Variants in BCL9 observed in about 807,000 individuals in gnomAD.
BCL9 encodes B-cell CLL/lymphoma 9 protein.
BCL9 carries 25 observed loss-of-function variants against 88.5 expected under a neutral mutation model. The ratio of observed to expected loss-of-function variants is 0.28; its 90% confidence interval spans 0.21 to 0.39. BCL9 has a LOEUF of 0.39. BCL9 is among the 10% of genes least tolerant of loss of function. The pLI is 1.00. For missense variants in BCL9, 1,817 were observed against 1,877.8 expected (o/e 0.97, Z 0.60); for synonymous variants, 711 against 673.3 (o/e 1.06, Z -0.87).
chr1:147,570,355 TGAG>T (rs1302594229), intron 1 of BCL9, among the ~76,000 whole-genome samples: 1 of 152,070 alleles, frequency 6.6e-6, no homozygotes, highest in East Asian at 1.9e-4. Context: ...CAGGAAGCAT[TGAG>T]GAGTCAATAG....
chr1:147,594,511 G>T (rs1375548908), intron 1 of BCL9, among the ~76,000 whole-genome samples: 1 of 152,178 alleles, frequency 6.6e-6, no homozygotes, highest in African/African-American at 2.4e-5. Flanking sequence ...TTCAAGAGAG[G>T]CCTGAGCTAG....
chr1:147,588,489 T>C (rs2101565771), intron 1 of BCL9, among the ~76,000 whole-genome samples: 1 of 152,196 alleles, frequency 6.6e-6, no homozygotes, highest in African/African-American at 2.4e-5. Flanking sequence ...ATTGTTTGGG[T>C]TCTCCCTCCA....
At position 147,615,810 on chromosome 1, in the gene BCL9, G is replaced by A. The variant is rs1311442395; in HGVS notation, c.568G>A (p.Glu190Lys). 1 of 1,613,806 alleles carries A rather than the reference G, an allele frequency of 6.2e-7. No individual in the cohort carries two copies. The highest frequency in any genetic ancestry group is 1.3e-5 in the African/African-American group (1 of 74,922). ...TCTCTTCCATCTTTGCAGAGCTGCA[G>A]AAGCTGTTTTGAAGGGCCAGGTTGA... Reference protein sequence around the residue: ...FSTEMANKAAEAVLKGQVETI... With the variant: ...FSTEMANKAAKAVLKGQVETI... The change falls in exon 7 of 10, where the codon GAA becomes AAA. Residue 190 changes from glutamate (E) to lysine (K), a missense_variant. Around this residue, in one of 2 missense-constraint regions of BCL9, gnomAD observed 1,228 missense variants for 1,191.6 expected, o/e 1.03. Coordinates refer to ENST00000234739, the MANE Select transcript of BCL9 (RefSeq NM_004326.4).
At chr1:147,591,234 AT>A (rs782023366) in intron 1 of BCL9, among the ~76,000 whole-genome samples, 1 of 152,232 alleles carries the variant, frequency 6.6e-6, no homozygotes, top group Non-Finnish European at 1.5e-5. Flanking sequence ...TTTAAAAAAA[AT>A]AACTCAGTGT....
At chr1:147,551,685 AT>A (rs1430417598) in intron 1 of BCL9, among the ~76,000 whole-genome samples, 1 of 152,014 alleles carries the variant, frequency 6.6e-6, no homozygotes, top group Non-Finnish European at 1.5e-5. Context: ...TTTGGCCCCC[AT>A]TTTCCCTCTG....
intron 1 of BCL9, among the ~76,000 whole-genome samples, chr1:147,598,987 C>T (rs1657182035): frequency 6.6e-6 from 1 of 152,198 alleles, no homozygotes; most frequent in South Asian, 2.1e-4. Flanking sequence ...AATGGGCTAC[C>T]CTCTCACAAC....
intron 1 of BCL9, among the ~76,000 whole-genome samples, chr1:147,560,121 G>C (rs1044446187): frequency 6.6e-6 from 1 of 152,180 alleles, no homozygotes; most frequent in Non-Finnish European, 1.5e-5. Flanking sequence ...GTGCTATTCA[G>C]ACCACAACTG....
chr1:147,563,489 G>A (rs782002544), intron 1 of BCL9, among the ~76,000 whole-genome samples: 3 of 152,224 alleles, frequency 2.0e-5, no homozygotes, highest in Non-Finnish European at 4.4e-5. Context: ...TAGGACTCAA[G>A]AGAGGGCTAG....
intron 1 of BCL9, among the ~76,000 whole-genome samples, chr1:147,565,963 A>G (rs887956484): frequency 1.3e-5 from 2 of 152,124 alleles, no homozygotes; most frequent in African/African-American, 2.4e-5. Flanking sequence ...TGCAATTCCC[A>G]TCTTCTTGTT....
chr1:147,599,763 T>C (rs1193746521), intron 1 of BCL9, among the ~76,000 whole-genome samples: 3 of 146,042 alleles, frequency 2.1e-5, no homozygotes, highest in African/African-American at 5.2e-5. Flanking sequence ...GGCGGGCCCG[T>C]AGTAAAATAT....
chr1:147,590,993 T>C (rs1656821215), intron 1 of BCL9, among the ~76,000 whole-genome samples: 1 of 152,180 alleles, frequency 6.6e-6, no homozygotes, highest in Non-Finnish European at 1.5e-5. Flanking sequence ...TTTTTTCCCT[T>C]GCATAAGGAG....
intron 1 of BCL9, among the ~76,000 whole-genome samples, chr1:147,544,163 A>C (rs28633140): frequency 0.093 from 14,088 of 152,234 alleles, 830 homozygotes; most frequent in East Asian, 0.18. Flanking sequence ...AACATTAACC[A>C]CATGGTCACA....
chr1:147,552,999 C>G (rs1654964510), intron 1 of BCL9, among the ~76,000 whole-genome samples: 1 of 150,960 alleles, frequency 6.6e-6, no homozygotes, highest in African/African-American at 2.4e-5. Flanking sequence ...ACATACAATA[C>G]CAGGCTTTCT....
intron 8 of BCL9, among the ~76,000 whole-genome samples, chr1:147,621,272 T>C (rs369742421): frequency 6.7e-6 from 1 of 148,520 alleles, no homozygotes; most frequent in African/African-American, 2.5e-5. Context: ...AGAGAGACTG[T>C]TAAAAGGAAG....
At chr1:147,546,267 G>T (rs1654586809) in intron 1 of BCL9, among the ~76,000 whole-genome samples, 1 of 151,962 alleles carries the variant, frequency 6.6e-6, no homozygotes, top group East Asian at 1.9e-4. Flanking sequence ...GAACCCAGGA[G>T]GAGGAGCTTG....
intron 1 of BCL9, among the ~76,000 whole-genome samples, chr1:147,551,959 G>A (rs76744132): frequency 0.036 from 5,544 of 152,258 alleles, 133 homozygotes; most frequent in African/African-American, 0.074. Flanking sequence ...AATATCTGTT[G>A]TATGTCAGGC....
intron 5 of BCL9, among the ~76,000 whole-genome samples, chr1:147,613,538 G>A (rs1033360933): frequency 6.6e-6 from 1 of 152,150 alleles, no homozygotes; most frequent in African/African-American, 2.4e-5. Flanking sequence ...TAGTTTGTCT[G>A]TGCCAGTGGC....
At chr1:147,542,881 G>T (rs1654397906) in intron 1 of BCL9, among the ~76,000 whole-genome samples, 1 of 152,106 alleles carries the variant, frequency 6.6e-6, no homozygotes, top group Non-Finnish European at 1.5e-5. Flanking sequence ...GCATGCAGAC[G>T]CATCTGTAAA....
chr1:147,565,653 A>G (rs1159485725), intron 1 of BCL9, among the ~76,000 whole-genome samples: 1 of 152,212 alleles, frequency 6.6e-6, no homozygotes, highest in East Asian at 1.9e-4. Context: ...ATCCCCTGGG[A>G]TAGGCCTTAC....
Sources: gnomAD v4.1 joint callset for allele counts (sites outside exome capture counted in the v4.1 genomes callset) on GRCh38, gnomAD v4.1.1 for gene constraint, gnomAD v4.1.1 regional missense constraint, MANE v1.5 for transcripts, NCBI Gene and HGNC (gene_info 2026-07-23, HGNC 2026-07-21) for gene names.